Variants in USP22 observed in about 807,000 individuals in gnomAD.
USP22 encodes the protein ubiquitin specific peptidase 22, also known as ubiquitin carboxyl-terminal hydrolase 22.
In USP22, 22 loss-of-function variants were observed where a neutral mutation model predicts 68.1. That is an observed-to-expected ratio of 0.32 (90% CI 0.23 to 0.46). The LOEUF is 0.46. USP22 is among the 20% of genes least tolerant of loss of function. The pLI, the probability that USP22 is intolerant of heterozygous loss-of-function variation, is 1.00. For synonymous variants in USP22, 279 were observed against 274.2 expected, an observed-to-expected ratio of 1.02 and a Z score of -0.17; for missense variants, 433 against 695.8, an observed-to-expected ratio of 0.62 and a Z score of 4.25.
Position 21,012,813 on chromosome 17 carries a change from C to T in USP22, c.944+17G>A, listed in dbSNP as rs779259631. The stretch of plus-strand genomic sequence containing the variant: ...CCAGAGGGTTTGATATTGCCGAGCA[C>T]GCAGCCTCTCACTTACTGGCAGACT... On this transcript the variant is annotated intron_variant, in intron 7 of 12. Coordinates refer to ENST00000261497, the MANE Select transcript of USP22 (RefSeq NM_015276.2). 99 of 1,611,282 alleles carry T rather than the reference C, an allele frequency of 6.1e-5. No individual in the cohort carries two copies. Among genetic ancestry groups the T allele is most frequent in the South Asian group, 3.6e-4 (33 of 91,004 alleles).
chr17:21,030,055 C>T (rs1183113827), intron 1 of USP22, among the ~76,000 whole-genome samples: 1 of 152,094 alleles, frequency 6.6e-6, no homozygotes, highest in Non-Finnish European at 1.5e-5. Flanking sequence ...AACAATTGTC[C>T]CTCGGTATCT....
At chr17:21,043,234 A>AAG (rs1216496904), upstream of USP22, 1 of 151,022 alleles carries the variant, frequency 6.6e-6, no homozygotes, top group African/African-American at 3.1e-5. Context: ...GCGCCCGAGG[A>AAG]AGCGTGGTAG....
intron 10 of USP22, 118 bp from the exon 11 acceptor site, chr17:21,005,108 A>AG: frequency 2.6e-6 from 3 of 1,135,364 alleles, no homozygotes; most frequent in Non-Finnish European, 3.9e-6. Flanking sequence ...ACCGAGGTGC[A>AG]CTTTATGCTT....
chr17:21,004,867 G>A, intron 11 of USP22, 61 bp downstream of exon 11: 3 of 1,593,700 alleles, frequency 1.9e-6, no homozygotes, highest in East Asian at 2.2e-5. Flanking sequence ...AGGCAGACAG[G>A]AGCCCACCCC....
chr17:21,010,574 G>C (rs1040979435), intron 8 of USP22, among the ~76,000 whole-genome samples: 11 of 145,982 alleles, frequency 7.5e-5, no homozygotes, highest in African/African-American at 2.5e-4. Flanking sequence ...CTACTCAGGA[G>C]AATCACTTGA....
chr17:21,042,962 G>A lies in USP22; in HGVS notation c.-127C>T. Reference sequence around the variant, plus strand: ...GGCCCGGGCGCCGAGAACAAAGCGCGGAGGCCGGACAAAGATGGGGCTGCG... The same window carrying A: ...GGCCCGGGCGCCGAGAACAAAGCGCAGAGGCCGGACAAAGATGGGGCTGCG... On this transcript the variant is annotated 5_prime_UTR_variant, in exon 1 of 13. Coordinates refer to ENST00000261497, the MANE Select transcript of USP22 (RefSeq NM_015276.2). The A allele has an allele frequency of 7.8e-6, 4 of 512,024 alleles. No homozygotes were observed. Among genetic ancestry groups the A allele is most frequent in the Non-Finnish European group, 1.2e-5 (4 of 345,486 alleles). The allele number at this position is 512,024 out of a possible 1,614,324, so 31.7% of individuals were successfully genotyped here. A position where few individuals can be genotyped will look rare whatever the true frequency, so the allele number is the denominator to read the frequency against.
rs902331382 is a variant in USP22 at position 21,003,013 on chromosome 17, G to C, written c.*18C>G. ...GCCAATGCATTGCCTTTGTTTTTCT[G>C]ACCAGCTGCAGATAAGGCTACTCGT... On this transcript the variant is annotated 3_prime_UTR_variant, in exon 13 of 13. Transcript: ENST00000261497. 3.1e-6 allele frequency: 5 copies of C among 1,613,294 alleles called. No homozygotes were observed. The highest frequency in any genetic ancestry group is 4.2e-6 in the Non-Finnish European group (5 of 1,179,740).
intron 8 of USP22, 78 bp from the exon 9 acceptor site, chr17:21,008,074 C>G (rs1369894568): frequency 1.3e-6 from 2 of 1,523,826 alleles, no homozygotes; most frequent in South Asian, 1.2e-5. Context: ...GGTATTTTAT[C>G]TCTTTCATTG....
chr17:21,017,334 G>A (rs1972100194), intron 5 of USP22, among the ~76,000 whole-genome samples: 1 of 152,216 alleles, frequency 6.6e-6, no homozygotes, highest in Admixed American at 6.5e-5. Flanking sequence ...TATTAGTTGA[G>A]GTAACTGAGC....
chr17:21,033,636 G>A (rs1456915583), intron 1 of USP22, among the ~76,000 whole-genome samples: 1 of 152,180 alleles, frequency 6.6e-6, no homozygotes, highest in African/African-American at 2.4e-5. Flanking sequence ...CATTACCCAT[G>A]ACTTCCTACT....
intron 2 of USP22, among the ~76,000 whole-genome samples, chr17:21,022,597 A>G (rs1349855179): frequency 6.6e-6 from 1 of 152,136 alleles, no homozygotes; most frequent in African/African-American, 2.4e-5. Flanking sequence ...CAGGAGATTG[A>G]GACCATCCTG....
At chr17:21,004,378 G>A (rs1310573378) in intron 11 of USP22, 27 bp from the exon 12 acceptor site, 2 of 1,609,768 alleles carry the variant, frequency 1.2e-6, no homozygotes, top group African/African-American at 1.3e-5. Context: ...GGAGAGGGAG[G>A]GCGCAGGTGA....
chr17:21,006,315 A>C (rs1442179012), intron 10 of USP22, among the ~76,000 whole-genome samples: 2 of 152,244 alleles, frequency 1.3e-5, no homozygotes, highest in Non-Finnish European at 2.9e-5. Context: ...TGTTCCACGA[A>C]CTAAAATGTT....
At chr17:21,004,400 C>T in intron 11 of USP22, 49 bp from the exon 12 acceptor site, 1 of 1,601,400 alleles carries the variant, frequency 6.2e-7, no homozygotes, top group East Asian at 2.2e-5. Flanking sequence ...TTGATGCCGT[C>T]ACTTGAGGTC....
At chr17:21,018,435 G>A in intron 4 of USP22, 1 of 123,016 alleles carries the variant, frequency 8.1e-6, no homozygotes, top group South Asian at 1.4e-4. Flanking sequence ...AATGTTCTAG[G>A]GCCAGGGCAG....
intron 1 of USP22, 148 bp downstream of exon 1, chr17:21,042,517 G>A (rs111659264): frequency 0.098 from 71,749 of 734,366 alleles, 4,102 homozygotes; most frequent in Non-Finnish European, 0.11. Flanking sequence ...GGGGTAAAGA[G>A]AAGAGAGGGC....
intron 6 of USP22, among the ~76,000 whole-genome samples, chr17:21,013,540 C>T (rs1051580674): frequency 7.2e-5 from 11 of 152,180 alleles, no homozygotes; most frequent in African/African-American, 1.9e-4. Flanking sequence ...GAACTTAATT[C>T]GTGTGTGGAA....
At chr17:21,038,633 A>G (rs1597702913) in intron 1 of USP22, among the ~76,000 whole-genome samples, 1 of 151,370 alleles carries the variant, frequency 6.6e-6, no homozygotes, top group Non-Finnish European at 1.5e-5. Flanking sequence ...ATACCACTGC[A>G]CTCCAGCCTG....
Position 21,036,222 on chromosome 17 carries a change from A to G in USP22, c.171+6443T>C, listed in dbSNP as rs544542942. ...GTGGTTGTGGAGAGTTAGAAGGTGA[A>G]GCACAGGGATTTCTTGGGGCAGTGC... is the stretch of plus-strand genomic sequence containing the variant. On this transcript the variant is annotated intron_variant, in intron 1 of 12. Transcript: ENST00000261497. 7.8e-4 allele frequency among the ~76,000 whole-genome samples: 118 copies of G among 152,094 alleles called. 2 individuals are homozygous for G. In the South Asian group the frequency reaches 0.022, roughly 28 times the overall value.
Sources: gnomAD v4.1 joint callset for allele counts (sites outside exome capture counted in the v4.1 genomes callset) on GRCh38, gnomAD v4.1.1 for gene constraint, MANE v1.5 for transcripts, NCBI Gene and HGNC (gene_info 2026-07-23, HGNC 2026-07-21) for gene names.